Variants in UGT1A9 observed in about 807,000 individuals in gnomAD.
The protein encoded by UGT1A9 is UDP glucuronosyltransferase family 1 member A9, also known as UDP-glucuronosyltransferase 1A9.
A neutral mutation model predicts 45.0 loss-of-function variants in UGT1A9; 35 were observed. The ratio of observed to expected loss-of-function variants is 0.78; its 90% CI spans 0.59 to 1.03. The LOEUF is 1.03. Among genes scored for constraint, UGT1A9 ranks in the 50% least tolerant of loss-of-function variants. The probability of loss-of-function intolerance (pLI) is 0.00; values close to 1 mark genes in which losing one functional copy is unlikely to be tolerated. For synonymous variants in UGT1A9, 278 were observed against 250.6 expected (o/e 1.11, Z -1.03); for missense variants, 687 against 666.6 (o/e 1.03, Z -0.34).
intron 1 of UGT1A9, among the ~76,000 whole-genome samples, chr2:233,741,259 T>C (rs551312228): frequency 6.6e-6 from 1 of 151,984 alleles, no homozygotes; most frequent in South Asian, 2.1e-4. Flanking sequence ...TGCCACTCTT[T>C]GCTGACCACT....
At chr2:233,685,220 A>G (rs1254045639) in intron 1 of UGT1A9, among the ~76,000 whole-genome samples, 1 of 152,114 alleles carries the variant, frequency 6.6e-6, no homozygotes, top group Non-Finnish European at 1.5e-5. Flanking sequence ...TTTAATAGAG[A>G]CGGGGTTTCA....
intron 1 of UGT1A9, among the ~76,000 whole-genome samples, chr2:233,700,981 G>C (rs1279444700): frequency 6.7e-6 from 1 of 149,674 alleles, no homozygotes; most frequent in African/African-American, 2.5e-5. Flanking sequence ...TTGATTTTTT[G>C]TCCTTGCGAT....
intron 1 of UGT1A9, chr2:233,693,591 A>T: frequency 6.2e-7 from 1 of 1,614,232 alleles, no homozygotes; most frequent in Non-Finnish European, 8.5e-7. Context: ...CCCAGGTGCT[A>T]CACAAAGTTT....
intron 1 of UGT1A9, among the ~76,000 whole-genome samples, chr2:233,749,626 A>G (rs377692778): frequency 5.9e-5 from 9 of 151,982 alleles, no homozygotes; most frequent in South Asian, 4.2e-4. Context: ...TTGGCTCTGT[A>G]TCCCCCACCA....
At chr2:233,730,554 A>G (rs1442636181) in intron 1 of UGT1A9, among the ~76,000 whole-genome samples, 1 of 152,192 alleles carries the variant, frequency 6.6e-6, no homozygotes, top group Non-Finnish European at 1.5e-5. Context: ...CTGTGATTAG[A>G]GAATGACACA....
At chr2:233,713,270 G>T (rs199541495) in intron 1 of UGT1A9, 1 of 1,614,244 alleles carries the variant, frequency 6.2e-7, no homozygotes, top group East Asian at 2.2e-5. Context: ...ATCGCCTTTT[G>T]CTGGGTCACA....
intron 1 of UGT1A9, among the ~76,000 whole-genome samples, chr2:233,761,384 C>T (rs564518186): frequency 1.3e-5 from 2 of 152,326 alleles, no homozygotes; most frequent in South Asian, 4.1e-4. Flanking sequence ...ACTCTGTGTG[C>T]TCCAGTGGAT....
chr2:233,760,416 GCTTGGGGC>G, intron 1 of UGT1A9: 1 of 1,614,218 alleles, frequency 6.2e-7, no homozygotes, highest in Non-Finnish European at 8.5e-7. Flanking sequence ...GGCTGAGCAT[GCTTGGGGC>G]CATCCAGCAG....
intron 1 of UGT1A9, chr2:233,729,989 C>T (rs1412952740): frequency 6.2e-7 from 1 of 1,614,050 alleles, no homozygotes; most frequent in Non-Finnish European, 8.5e-7. Flanking sequence ...AAGCCACTAT[C>T]TCAGGTCTGT....
chr2:233,674,661 T>C (rs186446222), intron 1 of UGT1A9, among the ~76,000 whole-genome samples: 1 of 152,186 alleles, frequency 6.6e-6, no homozygotes, highest in African/African-American at 2.4e-5. Flanking sequence ...TTATGAGATA[T>C]GAAATAAATG....
chr2:233,729,830 C>T, intron 1 of UGT1A9: 2 of 1,613,904 alleles, frequency 1.2e-6, no homozygotes, highest in Non-Finnish European at 1.7e-6. Flanking sequence ...GCAAGCCTTG[C>T]CTCTGAGCTT....
At chr2:233,745,609 C>A (rs1421404648) in intron 1 of UGT1A9, among the ~76,000 whole-genome samples, 2 of 151,524 alleles carry the variant, frequency 1.3e-5, no homozygotes, top group Admixed American at 6.6e-5. Context: ...ACTTGGTAAG[C>A]ACACAATGAA....
chr2:233,705,569 G>T (rs1056646360), intron 1 of UGT1A9, among the ~76,000 whole-genome samples: 5 of 152,160 alleles, frequency 3.3e-5, no homozygotes, highest in African/African-American at 1.2e-4. Flanking sequence ...TGTGGCAAGG[G>T]ATAGAAATGG....
chr2:233,685,608 A>G (rs1180252725), intron 1 of UGT1A9, among the ~76,000 whole-genome samples: 1 of 152,228 alleles, frequency 6.6e-6, no homozygotes, highest in Non-Finnish European at 1.5e-5. Flanking sequence ...AAGATTATTT[A>G]TTTCAACTTT....
chr2:233,744,938 G>A (rs940061009), intron 1 of UGT1A9, among the ~76,000 whole-genome samples: 6 of 151,930 alleles, frequency 3.9e-5, no homozygotes, highest in African/African-American at 1.5e-4. Flanking sequence ...AAATGACACA[G>A]TATTTGTATA....
intron 1 of UGT1A9, among the ~76,000 whole-genome samples, chr2:233,749,142 T>G (rs1432365652): frequency 6.6e-6 from 1 of 151,878 alleles, no homozygotes; most frequent in Non-Finnish European, 1.5e-5. Flanking sequence ...GCATATGAAC[T>G]TCCATGACTT....
intron 1 of UGT1A9, among the ~76,000 whole-genome samples, chr2:233,680,356 G>A (rs76604620): frequency 4.1e-4 from 63 of 152,284 alleles, no homozygotes; most frequent in Non-Finnish European, 8.4e-4. Context: ...CATATCACAT[G>A]CATTTAGGCC....
At chr2:233,724,531 C>G (rs557040072) in intron 1 of UGT1A9, among the ~76,000 whole-genome samples, 1 of 121,546 alleles carries the variant, frequency 8.2e-6, no homozygotes, top group African/African-American at 3.4e-5. Flanking sequence ...GGGGTCTCGC[C>G]GGGCAGAGGC....
chr2:233,677,920 A>G (rs1359301348), intron 1 of UGT1A9, among the ~76,000 whole-genome samples: 1 of 152,198 alleles, frequency 6.6e-6, no homozygotes, highest in East Asian at 1.9e-4. Flanking sequence ...AAATCAACCT[A>G]GGTGCCCGTC....
Sources: allele counts gnomAD v4.1 joint callset (sites outside exome capture counted in the v4.1 genomes callset), GRCh38; gene constraint gnomAD v4.1.1; transcripts MANE v1.5; gene names NCBI Gene and HGNC (gene_info 2026-07-23, HGNC 2026-07-21).